ARSJ: variants seen among roughly 807,000 people sequenced by gnomAD.
The protein encoded by ARSJ is arylsulfatase J.
Under a neutral mutation model 35.9 loss-of-function variants are expected in ARSJ, and 26 were observed. That is an observed-to-expected ratio of 0.72 (90% confidence interval 0.53 to 1.00). The LOEUF (loss-of-function observed/expected upper bound fraction) is 1.00. Ranked by LOEUF, ARSJ falls within the 50% of genes least tolerant of loss-of-function variation. The pLI is 0.00. For synonymous variants in ARSJ, 294 were observed against 267.6 expected (o/e 1.10, Z -0.96); for missense variants, 667 against 723.6 (o/e 0.92, Z 0.90).
chr4:113,908,377 A>C (rs1012133133), intron 1 of ARSJ, among the ~76,000 whole-genome samples: 3 of 152,318 alleles, frequency 2.0e-5, no homozygotes, highest in Admixed American at 2.0e-4. Context: ...TTTGTGCTGC[A>C]CTTGCAATTT....
rs1487702078 is a variant in ARSJ at position 113,900,974 on chromosome 4, A to G, written c.*1300T>C. On this transcript the variant is annotated 3_prime_UTR_variant, in exon 2 of 2. Transcript: ENST00000315366. ...GAAAAACCGCAACTAGTTTTGCACC[A>G]ACCTAATATAAATGTTAGTTATTAT... The G allele has an allele frequency of 2.0e-5, 3 of 152,200 alleles. No homozygotes were observed. Among genetic ancestry groups the G allele is most frequent in the Admixed American group, 6.5e-5 (1 of 15,274 alleles). 9.4% of individuals were successfully genotyped at this position (152,200 alleles called of 1,614,324 possible). A position where few individuals can be genotyped will look rare whatever the true frequency, so the allele number is the denominator to read the frequency against.
At chr4:113,934,653 T>C (rs1218247960) in intron 1 of ARSJ, among the ~76,000 whole-genome samples, 4 of 151,782 alleles carry the variant, frequency 2.6e-5, no homozygotes, top group African/African-American at 9.7e-5. Context: ...TGAATGTTCC[T>C]ATTATGAAGA....
intron 1 of ARSJ, among the ~76,000 whole-genome samples, chr4:113,923,357 T>C (rs1049178909): frequency 6.6e-6 from 1 of 152,144 alleles, no homozygotes; most frequent in East Asian, 1.9e-4. Flanking sequence ...AAAAATAATA[T>C]AGAAGCAAAA....
At position 113,936,244 on chromosome 4, in the gene ARSJ, A is replaced by G. The variant is rs557639901; in HGVS notation, c.399-32569T>C. 5.1e-4 allele frequency among the ~76,000 whole-genome samples: 78 copies of G among 152,052 alleles called. 1 individual carries two copies. Among genetic ancestry groups the G allele is most frequent in the African/African-American group, 1.6e-3 (65 of 41,526 alleles). ...CAGAGTGGAGAAGACAGTAAAATTC[A>G]CTATTATAAACAAGAAAATTTGCCT... On this transcript the variant is annotated intron_variant, in intron 1 of 1. Coordinates refer to ENST00000315366, the MANE Select transcript of ARSJ (RefSeq NM_024590.4).
chr4:113,962,947 TG>T lies in ARSJ; in HGVS notation c.398+15489del, dbSNP rs966456265. On this transcript the variant is annotated intron_variant, in intron 1 of 1. Transcript: ENST00000315366. ...CTAGCTTAGTGGGGCTGTCCTGTAA[TG>T]GTACTTGAACACACCAGGGGTGTTC... Among the ~76,000 whole-genome samples, 7 of 152,194 alleles carry T rather than the reference TG, an allele frequency of 4.6e-5. No homozygotes were observed. In the South Asian group the frequency reaches 6.2e-4, roughly 14 times the overall value.
chr4:113,974,534 AG>A (rs1231563356), intron 1 of ARSJ, among the ~76,000 whole-genome samples: 1 of 152,204 alleles, frequency 6.6e-6, no homozygotes. Context: ...ACTTCTTTAA[AG>A]GGGATATAAA....
intron 1 of ARSJ, among the ~76,000 whole-genome samples, chr4:113,963,429 G>A (rs931466363): frequency 2.6e-5 from 4 of 152,008 alleles, no homozygotes; most frequent in African/African-American, 9.7e-5. Context: ...GCAGGAAGGA[G>A]AAGTGCCAAG....
chr4:113,924,071 AT>A (rs1723880641), intron 1 of ARSJ, among the ~76,000 whole-genome samples: 2 of 114,230 alleles, frequency 1.8e-5, no homozygotes, highest in African/African-American at 4.1e-5. Flanking sequence ...ATATAAATAT[AT>A]ATAAATATAT....
intron 1 of ARSJ, among the ~76,000 whole-genome samples, chr4:113,909,430 GC>G (rs2099669764): frequency 2.0e-5 from 3 of 152,144 alleles, no homozygotes; most frequent in Admixed American, 6.5e-5. Flanking sequence ...GTTTGGCTGT[GC>G]CCCCACCCAA....
chr4:113,918,240 C>G (rs1250510404), intron 1 of ARSJ, among the ~76,000 whole-genome samples: 1 of 152,070 alleles, frequency 6.6e-6, no homozygotes, highest in Non-Finnish European at 1.5e-5. Context: ...GAAACAATAA[C>G]TAGCAACAAG....
chr4:113,918,508 T>G (rs1440087792), intron 1 of ARSJ, among the ~76,000 whole-genome samples: 1 of 152,172 alleles, frequency 6.6e-6, no homozygotes, highest in Non-Finnish European at 1.5e-5. Flanking sequence ...GGGTCTTTAG[T>G]GATTTGTAAG....
chr4:113,943,550 C>T (rs1481006080), intron 1 of ARSJ: 1 of 151,962 alleles, frequency 6.6e-6, no homozygotes, highest in African/African-American at 2.4e-5. Flanking sequence ...ACAGGAGGAG[C>T]CAGATGATAA....
At chr4:113,976,302 GTTT>G (rs796602670) in intron 1 of ARSJ, among the ~76,000 whole-genome samples, 1 of 151,136 alleles carries the variant, frequency 6.6e-6, no homozygotes, top group Non-Finnish European at 1.5e-5. Context: ...GTTCATTTCA[GTTT>G]TTTTTTATGG....
At chr4:113,921,082 T>TACACACAC (rs746326993) in intron 1 of ARSJ, among the ~76,000 whole-genome samples, 149 of 129,664 alleles carry the variant, frequency 1.1e-3, no homozygotes, top group African/African-American at 3.7e-3. Flanking sequence ...TTCCCTGAAA[T>TACACACAC]ACACACACAC....
At chr4:113,949,758 G>A (rs987326941) in intron 1 of ARSJ, among the ~76,000 whole-genome samples, 1 of 152,082 alleles carries the variant, frequency 6.6e-6, no homozygotes, top group Admixed American at 6.6e-5. Context: ...AGTGTCATCT[G>A]AATATGAAGA....
intron 1 of ARSJ, among the ~76,000 whole-genome samples, chr4:113,946,036 T>C (rs571352185): frequency 1.6e-3 from 242 of 152,204 alleles, no homozygotes; most frequent in African/African-American, 5.5e-3. Flanking sequence ...GAATTGCTTT[T>C]TCTTCTTGGT....
At chr4:113,937,613 A>G (rs1724847653) in intron 1 of ARSJ, among the ~76,000 whole-genome samples, 3 of 152,008 alleles carry the variant, frequency 2.0e-5, no homozygotes, top group South Asian at 2.1e-4. Context: ...TGTGTTTGCA[A>G]TGACATGATC....
chr4:113,942,870 CAT>C (rs1562359699), intron 1 of ARSJ, among the ~76,000 whole-genome samples: 1 of 151,956 alleles, frequency 6.6e-6, no homozygotes, highest in Non-Finnish European at 1.5e-5. Context: ...AGCTAATAGA[CAT>C]ATGTGAAGAA....
intron 1 of ARSJ, among the ~76,000 whole-genome samples, chr4:113,940,566 T>A (rs1725087616): frequency 1.3e-5 from 2 of 151,856 alleles, no homozygotes; most frequent in South Asian, 4.1e-4. Context: ...AGGTGATGGT[T>A]TGACAGGTGC....
Sources: allele counts gnomAD v4.1 joint callset (sites outside exome capture counted in the v4.1 genomes callset), GRCh38; gene constraint gnomAD v4.1.1; transcripts MANE v1.5; gene names NCBI Gene and HGNC (gene_info 2026-07-23, HGNC 2026-07-21).